Variants in DYM observed in about 807,000 individuals in gnomAD.
DYM encodes dymeclin, also known as dyggve-Melchior-Clausen syndrome protein.
Under a neutral mutation model 93.1 loss-of-function variants are expected in DYM, and 78 were observed. That is an observed-to-expected ratio of 0.84 (90% CI 0.70 to 1.01). The LOEUF is 1.01. Among genes scored for constraint, DYM ranks in the 50% least tolerant of loss-of-function variants. The pLI is 0.00. For missense variants in DYM, 789 were observed against 845.0 expected, an observed-to-expected ratio of 0.93 and a Z score of 0.82; for synonymous variants, 321 against 319.7, an observed-to-expected ratio of 1.00 and a Z score of -0.04.
chr18:49,234,075 G>C (rs1208037036), intron 13 of DYM, among the ~76,000 whole-genome samples: 1 of 152,130 alleles, frequency 6.6e-6, no homozygotes, highest in Non-Finnish European at 1.5e-5. Flanking sequence ...CTTGCAGTGA[G>C]CCGTGATCGC....
At chr18:49,227,321 A>C (rs982641314) in intron 13 of DYM, among the ~76,000 whole-genome samples, 5 of 152,194 alleles carry the variant, frequency 3.3e-5, no homozygotes, top group African/African-American at 1.2e-4. Flanking sequence ...GCCATGAAAT[A>C]AGGCCAATTC....
In DYM at chr18:49,077,226, G is replaced by A. The variant is rs373528842; in HGVS notation, c.2025+20176C>T. Among the ~76,000 whole-genome samples, 7 of 152,282 alleles carry A rather than the reference G, an allele frequency of 4.6e-5. No individual in the cohort carries two copies. In the East Asian group the frequency reaches 1.2e-3, roughly 25 times the overall value. ...GTGACCACACCACAATTAAGATGCA[G>A]AGTAGAAAGCCCCTTCCTGTGCCTT... is the stretch of plus-strand genomic sequence containing the variant. On this transcript the variant is annotated intron_variant, in intron 17 of 17. Transcript: ENST00000675505.
intron 16 of DYM, among the ~76,000 whole-genome samples, chr18:49,099,426 C>A (rs1249642596): frequency 6.6e-6 from 1 of 152,070 alleles, no homozygotes; most frequent in East Asian, 1.9e-4. Context: ...AGAATCCAGA[C>A]CAGAGGTTTC....
At chr18:49,208,921 TTC>T (rs2092653071) in intron 14 of DYM, 1 of 152,246 alleles carries the variant, frequency 6.6e-6, no homozygotes, top group Non-Finnish European at 1.5e-5. Flanking sequence ...GGTGTTGATT[TTC>T]TCTGATATTC....
At position 49,163,776 on chromosome 18, in the gene DYM, A is replaced by T. The variant is rs749887860; in HGVS notation, c.1637T>A (p.Leu546Ter). The change falls in exon 15 of 18, where the codon TTG (leucine) becomes TAG (stop). Residue 546 changes from leucine (L) to a stop codon, truncating the protein, a stop_gained. Transcript: ENST00000675505. LOFTEE classifies it high-confidence loss of function. ...LRSYASSLFS[L>*]LSKKHNKVLE... ...AACTTTGTTGTGTTTTTTAGACAGC[A>T]AAGAAAATAAACTGGAAAAACAAAC... 1.2e-6 allele frequency: 2 copies of T among 1,607,776 alleles called. No individual in the cohort carries two copies. The highest frequency in any genetic ancestry group is 1.7e-6 in the Non-Finnish European group (2 of 1,176,216).
At chr18:49,263,279 C>T (rs1018500134) in intron 11 of DYM, among the ~76,000 whole-genome samples, 8 of 151,880 alleles carry the variant, frequency 5.3e-5, no homozygotes, top group African/African-American at 1.4e-4. Context: ...CCAGCACACT[C>T]GGCTAATTTT....
intron 3 of DYM, among the ~76,000 whole-genome samples, chr18:49,387,309 C>T (rs2068729359): frequency 6.6e-6 from 1 of 152,042 alleles, no homozygotes. Flanking sequence ...CGGAGTCTCA[C>T]TCTGTCGCCC....
In DYM at chr18:49,101,331, ACAATATTTGGCTG is replaced by A. The variant is rs1234400355; in HGVS notation, c.1912-3829_1912-3817del. Among the ~76,000 whole-genome samples, 4 of 152,286 alleles carry A rather than the reference ACAATATTTGGCTG, an allele frequency of 2.6e-5. No individual in the cohort carries two copies. In the East Asian group the frequency reaches 7.7e-4, roughly 29 times the overall value. Reference sequence around the variant, plus strand: ...CATGTTTTACAACCCTCCTCTACCTACAATATTTGGCTGTAACTCATGAAATCCAAGTACAGCA... The same window carrying A: ...CATGTTTTACAACCCTCCTCTACCTATAACTCATGAAATCCAAGTACAGCA... On this transcript the variant is annotated intron_variant, in intron 16 of 17. Transcript: ENST00000675505.
chr18:49,144,268 T>C (rs2144534994), intron 15 of DYM, among the ~76,000 whole-genome samples: 1 of 152,058 alleles, frequency 6.6e-6, no homozygotes, highest in African/African-American at 2.4e-5. Flanking sequence ...CCCCAGAAAA[T>C]TGGTAGCTAA....
At chr18:49,067,827 A>G (rs991049597) in intron 17 of DYM, among the ~76,000 whole-genome samples, 1 of 152,186 alleles carries the variant, frequency 6.6e-6, no homozygotes, top group Non-Finnish European at 1.5e-5. Context: ...TTCTAAAAAT[A>G]TTTATGGTAC....
At chr18:49,180,069 G>C (rs2089771329) in intron 14 of DYM, among the ~76,000 whole-genome samples, 1 of 152,000 alleles carries the variant, frequency 6.6e-6, no homozygotes, top group South Asian at 2.1e-4. Context: ...CTGTTGTATG[G>C]AAAAACCTAA....
intron 8 of DYM, among the ~76,000 whole-genome samples, chr18:49,313,990 G>A (rs180797921): frequency 6.6e-6 from 1 of 152,206 alleles, no homozygotes; most frequent in East Asian, 1.9e-4. Context: ...AGGCGCGGTG[G>A]CTCACACCCG....
chr18:49,203,393 C>T (rs1255727390), intron 14 of DYM, among the ~76,000 whole-genome samples: 3 of 140,532 alleles, frequency 2.1e-5, no homozygotes, highest in East Asian at 4.3e-4. Flanking sequence ...ATGACAATGG[C>T]GGCTTTGTGG....
At chr18:49,384,061 C>CGTGT (rs772644814) in intron 3 of DYM, among the ~76,000 whole-genome samples, 1 of 152,236 alleles carries the variant, frequency 6.6e-6, no homozygotes, top group Non-Finnish European at 1.5e-5. Context: ...CAGTAGCACA[C>CGTGT]GCCTGTAATC....
intron 11 of DYM, among the ~76,000 whole-genome samples, chr18:49,264,356 C>T (rs1434020935): frequency 6.6e-6 from 1 of 151,910 alleles, no homozygotes; most frequent in South Asian, 2.1e-4. Context: ...TTTCTGTATA[C>T]AATTTGAGGA....
chr18:49,363,618 A>G (rs2066251339), intron 5 of DYM, among the ~76,000 whole-genome samples: 2 of 152,218 alleles, frequency 1.3e-5, no homozygotes, highest in African/African-American at 4.8e-5. Flanking sequence ...GCAGGGGTAG[A>G]GGACTTTTAT....
rs150394272 is a variant in DYM at position 49,294,448 on chromosome 18, G to A, written c.764-7832C>T. On this transcript the variant is annotated intron_variant, in intron 8 of 17. Transcript: ENST00000675505. ...CAATATTGATTCTTTCTATCCATGAGCATGGAATGTTTTTCCATTTGTTCA... is the reference window on the plus strand; with the variant it reads ...CAATATTGATTCTTTCTATCCATGAACATGGAATGTTTTTCCATTTGTTCA... 3.9e-3 allele frequency among the ~76,000 whole-genome samples: 592 copies of A among 152,256 alleles called. 3 individuals are homozygous for A. Among genetic ancestry groups the A allele is most frequent in the African/African-American group, 0.014 (575 of 41,544 alleles).
chr18:49,145,940 A>G (rs1352034333), intron 15 of DYM, among the ~76,000 whole-genome samples: 1 of 151,732 alleles, frequency 6.6e-6, no homozygotes, highest in Admixed American at 6.6e-5. Context: ...ATTTGTTCTA[A>G]TAGTTCCCTT....
chr18:49,315,901 T>G (rs530010830), intron 8 of DYM, among the ~76,000 whole-genome samples: 1 of 152,102 alleles, frequency 6.6e-6, no homozygotes, highest in East Asian at 1.9e-4. Context: ...ATGAAACAAG[T>G]GTTTTCTTTT....
Sources: allele counts gnomAD v4.1 joint callset (sites outside exome capture counted in the v4.1 genomes callset), GRCh38; gene constraint gnomAD v4.1.1; transcripts MANE v1.5; gene names NCBI Gene and HGNC (gene_info 2026-07-23, HGNC 2026-07-21).